Variants in CORIN observed in about 807,000 individuals in gnomAD.
CORIN encodes atrial natriuretic peptide-converting enzyme.
A neutral mutation model predicts 125.3 loss-of-function variants in CORIN; 117 were observed. That is an observed-to-expected ratio of 0.93 (90% CI 0.80 to 1.09). The LOEUF (loss-of-function observed/expected upper bound fraction) is 1.09. Among genes scored for constraint, CORIN ranks in the 50% least tolerant of loss-of-function variants. The pLI is 0.00. For missense variants in CORIN, 1,253 were observed against 1,306.7 expected (o/e 0.96, Z 0.63); for synonymous variants, 450 against 466.4 (o/e 0.96, Z 0.45).
At chr4:47,655,368 T>C (rs920935412) in intron 12 of CORIN, among the ~76,000 whole-genome samples, 2 of 152,150 alleles carry the variant, frequency 1.3e-5, no homozygotes, top group African/African-American at 4.8e-5. Flanking sequence ...ATCAAGTGAA[T>C]TCTTGGGGTC....
intron 2 of CORIN, among the ~76,000 whole-genome samples, chr4:47,806,127 A>G (rs376961774): frequency 7.5e-4 from 114 of 152,248 alleles, no homozygotes; most frequent in African/African-American, 2.6e-3. Flanking sequence ...GGTATGTAAT[A>G]TTTAGTTTGA....
At chr4:47,649,642 G>A (rs1723655189) in intron 13 of CORIN, among the ~76,000 whole-genome samples, 1 of 152,182 alleles carries the variant, frequency 6.6e-6, no homozygotes, top group Non-Finnish European at 1.5e-5. Flanking sequence ...AGCCTCTAAG[G>A]CTAAGTAAGG....
rs567779787 is a variant in CORIN at position 47,686,502 on chromosome 4, T to G, written c.914-2664A>C. Among the ~76,000 whole-genome samples, 5 of 152,298 alleles carry G rather than the reference T, an allele frequency of 3.3e-5. No individual in the cohort carries two copies. In the South Asian group the frequency reaches 1.0e-3, roughly 32 times the overall value. ...CTATTTCCCCACCCTGCACCCCCAC[T>G]GCTGAATGAGGCTACAACACATGTG... is the stretch of plus-strand genomic sequence containing the variant. On this transcript the variant is annotated intron_variant, in intron 6 of 21. Transcript: ENST00000273857.
intron 2 of CORIN, among the ~76,000 whole-genome samples, chr4:47,805,108 C>A (rs1391906727): frequency 6.9e-6 from 1 of 144,574 alleles, no homozygotes; most frequent in Non-Finnish European, 1.5e-5. Flanking sequence ...TGCACTCCAG[C>A]CTGGGCAACA....
chr4:47,837,842 G>A (rs1252861781), intron 1 of CORIN, 45 bp downstream of exon 1: 2 of 1,527,304 alleles, frequency 1.3e-6, no homozygotes, highest in Non-Finnish European at 1.8e-6. Flanking sequence ...GGACTAAGAG[G>A]CCATCACACC....
At chr4:47,618,805 G>A (rs1265255006) in intron 19 of CORIN, among the ~76,000 whole-genome samples, 2 of 149,228 alleles carry the variant, frequency 1.3e-5, no homozygotes, top group East Asian at 1.9e-4. Context: ...GGCACAGAGC[G>A]AGACTCTGTC....
At chr4:47,772,113 A>ATAGATAGATAGG (rs1181951973) in intron 3 of CORIN, among the ~76,000 whole-genome samples, 44 of 151,438 alleles carry the variant, frequency 2.9e-4, no homozygotes, top group African/African-American at 1.0e-3. Flanking sequence ...AGATAGATAG[A>ATAGATAGATAGG]TAGGTAGATA....
Position 47,786,901 on chromosome 4 carries a change from T to G in CORIN, c.233A>C (p.Lys78Thr). ...YVGTLQKVYF[K>T]SNGSEPLVTD... ...GACCAAAGGTTCACTCCCATTTGAT[T>G]TAAAATAGACCTTTTGTAATGTTCC... The change falls in exon 3 of 22, where the codon AAA becomes ACA. Residue 78 changes from lysine (K) to threonine (T), a missense_variant. Coordinates refer to ENST00000273857, the MANE Select transcript of CORIN (RefSeq NM_006587.4). The G allele has an allele frequency of 6.2e-7, 1 of 1,613,004 alleles. No individual in the cohort carries two copies. Among genetic ancestry groups the G allele is most frequent in the Non-Finnish European group, 8.5e-7 (1 of 1,179,070 alleles).
chr4:47,659,417 A>C (rs1291216022), intron 12 of CORIN, among the ~76,000 whole-genome samples: 2 of 152,154 alleles, frequency 1.3e-5, no homozygotes, highest in Non-Finnish European at 2.9e-5. Context: ...TTATAAAGAA[A>C]AGAGGTTTAA....
chr4:47,669,439 T>C (rs897891386), intron 10 of CORIN, among the ~76,000 whole-genome samples: 2 of 152,132 alleles, frequency 1.3e-5, no homozygotes, highest in Non-Finnish European at 2.9e-5. Context: ...GATATTATTT[T>C]AAGGTGAACA....
intron 16 of CORIN, among the ~76,000 whole-genome samples, chr4:47,636,069 G>A (rs1723013927): frequency 6.6e-6 from 1 of 152,182 alleles, no homozygotes; most frequent in Admixed American, 6.5e-5. Context: ...GGGATTATTA[G>A]GGACTAGTAG....
chr4:47,745,539 A>G (rs1209271665), intron 4 of CORIN, among the ~76,000 whole-genome samples: 1 of 152,262 alleles, frequency 6.6e-6, no homozygotes, highest in African/African-American at 2.4e-5. Flanking sequence ...AATCCTTCAA[A>G]TGAGATAGTT....
intron 13 of CORIN, among the ~76,000 whole-genome samples, chr4:47,651,301 G>C (rs1347550951): frequency 6.6e-6 from 1 of 152,244 alleles, no homozygotes; most frequent in Non-Finnish European, 1.5e-5. Context: ...AGTCAGAAAG[G>C]CAAGAAGCTT....
intron 2 of CORIN, among the ~76,000 whole-genome samples, chr4:47,787,625 A>C (rs538116702): frequency 2.0e-5 from 3 of 152,246 alleles, no homozygotes; most frequent in Non-Finnish European, 4.4e-5. Flanking sequence ...TCATTTAAAA[A>C]ATTTATTTCC....
chr4:47,710,016 T>A (rs1726765466), intron 5 of CORIN, among the ~76,000 whole-genome samples: 1 of 152,248 alleles, frequency 6.6e-6, no homozygotes, highest in Admixed American at 6.5e-5. Context: ...AAGACTTAAC[T>A]CTTCATATGA....
chr4:47,669,257 A>T (rs992119585), intron 10 of CORIN, among the ~76,000 whole-genome samples: 1 of 152,206 alleles, frequency 6.6e-6, no homozygotes, highest in African/African-American at 2.4e-5. Flanking sequence ...CAATGGTGTT[A>T]TATCGTTATG....
intron 14 of CORIN, among the ~76,000 whole-genome samples, chr4:47,644,491 T>C (rs190368655): frequency 6.6e-5 from 10 of 152,350 alleles, no homozygotes; most frequent in Admixed American, 5.9e-4. Flanking sequence ...TTTCTGTTAT[T>C]TGTAGGTAAA....
intron 4 of CORIN, among the ~76,000 whole-genome samples, chr4:47,751,138 A>G (rs1728880444): frequency 6.6e-6 from 1 of 152,208 alleles, no homozygotes; most frequent in African/African-American, 2.4e-5. Flanking sequence ...CTACTACAGA[A>G]GGAAAGCTGT....
Position 47,600,296 on chromosome 4 carries a change from C to T in CORIN, c.2864G>A (p.Cys955Tyr). The T allele has an allele frequency of 6.2e-7, 1 of 1,613,710 alleles. No individual in the cohort carries two copies. The highest frequency in any genetic ancestry group is 8.5e-7 in the Non-Finnish European group (1 of 1,179,780). The change falls in exon 21 of 22, where the codon TGT becomes TAT. Residue 955 changes from cysteine (C) to tyrosine (Y), a missense_variant. Coordinates refer to ENST00000273857, the MANE Select transcript of CORIN (RefSeq NM_006587.4). ...GEVRIISLEH[C>Y]QSYFDMKTIT... ...GGTCTTCATGTCAAAGTAGGACTGA[C>T]AATGTTCCAGAGAAATAATGCGGAC...
Sources: allele counts gnomAD v4.1 joint callset (sites outside exome capture counted in the v4.1 genomes callset), GRCh38; gene constraint gnomAD v4.1.1; transcripts MANE v1.5; gene names NCBI Gene and HGNC (gene_info 2026-07-23, HGNC 2026-07-21).